NMNAT2: variants seen among roughly 807,000 people sequenced by gnomAD.
NMNAT2 encodes the protein nicotinamide/nicotinic acid mononucleotide adenylyltransferase 2.
Under a neutral mutation model 41.6 loss-of-function variants are expected in NMNAT2, and 11 were observed. The ratio of observed to expected loss-of-function variants is 0.26; its 90% CI spans 0.17 to 0.44. The LOEUF is 0.44. Among genes scored for constraint, NMNAT2 ranks in the 20% least tolerant of loss-of-function variants. The pLI is 1.00. For synonymous variants in NMNAT2, 148 were observed against 151.2 expected (o/e 0.98, Z 0.16); for missense variants, 288 against 407.7 (o/e 0.71, Z 2.53).
At chr1:183,410,776 T>A (rs886497511) in intron 1 of NMNAT2, among the ~76,000 whole-genome samples, 1 of 151,012 alleles carries the variant, frequency 6.6e-6, no homozygotes, top group Non-Finnish European at 1.5e-5. Flanking sequence ...AGAGATGAAG[T>A]CTTGCTTTGT....
chr1:183,252,730 G>A lies in NMNAT2; in HGVS notation c.835C>T (p.His279Tyr). 6.2e-7 allele frequency: 1 copy of A among 1,613,720 alleles called. No individual in the cohort carries two copies. Among genetic ancestry groups the A allele is most frequent in the Non-Finnish European group, 8.5e-7 (1 of 1,179,692 alleles). Residue 279 changes from histidine to tyrosine, a missense_variant, in exon 11 of 11, where the codon CAT becomes TAT. His to Tyr is a moderately conservative substitution (Grantham distance 83). Transcript: ENST00000287713. ...TAATCCACAACATGGCCGTCCCCAT[G>A]CTGCAGGGCCAGCCTGCACAAGAAG... ...SSTKSRLALQ[H>Y]GDGHVVDYLS...
chr1:183,416,275 G>A lies in NMNAT2; in HGVS notation c.85+1908C>T, dbSNP rs532208812. ...TCCTAGCTTCAGGAAGAAAGGAGCA[G>A]TACCTGCTGGGTCATCAAAGATTCT... On this transcript the variant is annotated intron_variant, in intron 1 of 10. Coordinates refer to ENST00000287713, the MANE Select transcript of NMNAT2 (RefSeq NM_015039.4). 3.3e-5 allele frequency among the ~76,000 whole-genome samples: 5 copies of A among 152,334 alleles called. No individual in the cohort carries two copies. The South Asian group carries it at 1.0e-3, about 32-fold the overall frequency.
intron 1 of NMNAT2, among the ~76,000 whole-genome samples, chr1:183,332,224 C>T (rs1273045928): frequency 6.6e-6 from 1 of 152,188 alleles, no homozygotes; most frequent in African/African-American, 2.4e-5. Context: ...AAACACAAAG[C>T]CAGTGGGCCT....
intron 1 of NMNAT2, among the ~76,000 whole-genome samples, chr1:183,308,005 G>C (rs1344114945): frequency 6.6e-6 from 1 of 152,206 alleles, no homozygotes; most frequent in Non-Finnish European, 1.5e-5. Flanking sequence ...GGATGGGGGA[G>C]AGCTGCATGC....
intron 1 of NMNAT2, among the ~76,000 whole-genome samples, chr1:183,348,093 T>C (rs1196759650): frequency 6.6e-6 from 1 of 152,198 alleles, no homozygotes; most frequent in East Asian, 1.9e-4. Context: ...GACCTATATA[T>C]AAAATGCCCT....
In NMNAT2 at chr1:183,249,079, G is replaced by A. The variant is rs950189298; in HGVS notation, c.*3562C>T. On this transcript the variant is annotated 3_prime_UTR_variant, in exon 11 of 11. Coordinates refer to ENST00000287713, the MANE Select transcript of NMNAT2 (RefSeq NM_015039.4). ...TTCTTTAATTCTTTCTGAGAAGCTG[G>A]AGCTTGAAACTAGAGAACATTGTTG... The A allele has an allele frequency of 2.6e-5, 4 of 152,278 alleles. No homozygotes were observed. The highest frequency in any genetic ancestry group is 9.6e-5 in the African/African-American group (4 of 41,550). The allele number at this position is 152,278 out of a possible 1,614,324, so 9.4% of individuals were successfully genotyped here.
intron 2 of NMNAT2, 34 bp from the exon 3 acceptor site, chr1:183,292,891 C>T (rs1487836162): frequency 6.2e-7 from 1 of 1,601,776 alleles, no homozygotes; most frequent in African/African-American, 1.3e-5. Context: ...TGGGAGACTC[C>T]CTCCGTTCCC....
At chr1:183,398,122 G>A (rs1337054829) in intron 1 of NMNAT2, among the ~76,000 whole-genome samples, 4 of 152,134 alleles carry the variant, frequency 2.6e-5, no homozygotes, top group Non-Finnish European at 5.9e-5. Flanking sequence ...TGGCAAATTG[G>A]ATAAAGAGTC....
chr1:183,256,919 T>A (rs913673798), intron 10 of NMNAT2, among the ~76,000 whole-genome samples: 6 of 151,932 alleles, frequency 3.9e-5, no homozygotes, highest in Non-Finnish European at 8.8e-5. Flanking sequence ...GCCTGGATAA[T>A]TTTTGTATTT....
chr1:183,386,035 A>G (rs1389970512), intron 1 of NMNAT2, among the ~76,000 whole-genome samples: 1 of 152,174 alleles, frequency 6.6e-6, no homozygotes, highest in African/African-American at 2.4e-5. Context: ...AAGAGACATA[A>G]AAACTGAGAC....
chr1:183,303,334 A>G (rs573917664), intron 1 of NMNAT2, among the ~76,000 whole-genome samples: 1 of 152,334 alleles, frequency 6.6e-6, no homozygotes, highest in African/African-American at 2.4e-5. Context: ...TTTGCTGGTG[A>G]TCTGCTCTGT....
chr1:183,385,327 A>G (rs1209243961), intron 1 of NMNAT2, among the ~76,000 whole-genome samples: 2 of 152,220 alleles, frequency 1.3e-5, no homozygotes, highest in East Asian at 3.8e-4. Flanking sequence ...GAAGTTAGCT[A>G]AAGCAATAGC....
chr1:183,286,581 G>T, intron 5 of NMNAT2, 81 bp downstream of exon 5: 1 of 1,245,898 alleles, frequency 8.0e-7, no homozygotes, highest in Non-Finnish European at 1.1e-6. Context: ...TCAAGTTCTG[G>T]GTGGATCCCA....
At chr1:183,361,298 G>A (rs973519420) in intron 1 of NMNAT2, among the ~76,000 whole-genome samples, 10 of 152,126 alleles carry the variant, frequency 6.6e-5, no homozygotes, top group South Asian at 2.1e-4. Flanking sequence ...GGCAAGCCAC[G>A]ACTTGTTCTT....
At position 183,365,283 on chromosome 1, in the gene NMNAT2, C is replaced by T. The variant is rs181887762; in HGVS notation, c.85+52900G>A. ...CAGTGGTCGGAGGAGAACCACAGAA[C>T]GGTGGCACAGAGCCCTATGGCAACA... On this transcript the variant is annotated intron_variant, in intron 1 of 10. Coordinates refer to ENST00000287713, the MANE Select transcript of NMNAT2 (RefSeq NM_015039.4). Among the ~76,000 whole-genome samples the T allele has an allele frequency of 4.3e-4, 65 of 151,782 alleles. 2 individuals are homozygous for T. In the East Asian group the frequency reaches 0.011, roughly 25 times the overall value.
intron 10 of NMNAT2, among the ~76,000 whole-genome samples, chr1:183,259,043 C>T (rs1008887683): frequency 3.3e-5 from 5 of 152,146 alleles, no homozygotes; most frequent in Non-Finnish European, 4.4e-5. Context: ...GTCTAGGCAG[C>T]GAGCAAGGTG....
At chr1:183,260,977 C>A in intron 10 of NMNAT2, 25 bp downstream of exon 10, 1 of 1,587,460 alleles carries the variant, frequency 6.3e-7, no homozygotes, top group South Asian at 1.1e-5. Context: ...TGACTAAAGT[C>A]TCTCTGGCCA....
intron 1 of NMNAT2, among the ~76,000 whole-genome samples, chr1:183,359,571 T>C (rs777347200): frequency 1.3e-5 from 2 of 152,112 alleles, no homozygotes; most frequent in Non-Finnish European, 2.9e-5. Flanking sequence ...CTATGCGAGG[T>C]TGTACTGGCC....
At chr1:183,264,126 T>C (rs1460126627) in intron 8 of NMNAT2, among the ~76,000 whole-genome samples, 3 of 152,180 alleles carry the variant, frequency 2.0e-5, no homozygotes, top group Non-Finnish European at 4.4e-5. Context: ...ATAGATTGCA[T>C]AATGTAGGAT....
Sources: allele counts gnomAD v4.1 joint callset (sites outside exome capture counted in the v4.1 genomes callset), GRCh38; gene constraint gnomAD v4.1.1; transcripts MANE v1.5; gene names NCBI Gene and HGNC (gene_info 2026-07-23, HGNC 2026-07-21).